Variants in RAB11FIP4 observed in about 807,000 individuals in gnomAD.
RAB11FIP4 encodes the protein RAB11 family interacting protein 4, also known as rab11 family-interacting protein 4.
RAB11FIP4 carries 23 observed loss-of-function variants against 74.3 expected under a neutral mutation model. That is an observed-to-expected ratio of 0.31 (90% CI 0.22 to 0.44). RAB11FIP4 has a LOEUF of 0.44. Ranked by LOEUF, RAB11FIP4 falls within the 20% of genes least tolerant of loss-of-function variation. RAB11FIP4 has a pLI of 1.00. For synonymous variants in RAB11FIP4, 360 were observed against 359.9 expected (o/e 1.00, Z 0.00); for missense variants, 630 against 863.9 (o/e 0.73, Z 3.39).
chr17:31,482,991 G>A (rs1277663714), intron 3 of RAB11FIP4, among the ~76,000 whole-genome samples: 2 of 151,886 alleles, frequency 1.3e-5, no homozygotes, highest in East Asian at 3.9e-4. Flanking sequence ...TCAGGAGTTC[G>A]AGGCTATCCT....
At chr17:31,485,243 A>C (rs2071890041) in intron 3 of RAB11FIP4, among the ~76,000 whole-genome samples, 1 of 152,238 alleles carries the variant, frequency 6.6e-6, no homozygotes, top group Non-Finnish European at 1.5e-5. Flanking sequence ...TGTTCAATGC[A>C]TCTGTGGCCT....
chr17:31,413,406 C>T (rs2071117383), intron 1 of RAB11FIP4, among the ~76,000 whole-genome samples: 2 of 152,122 alleles, frequency 1.3e-5, no homozygotes, highest in African/African-American at 4.8e-5. Context: ...ACACGGAGGG[C>T]ACGGAGGGAG....
chr17:31,445,688 C>T (rs766688816), intron 3 of RAB11FIP4, among the ~76,000 whole-genome samples: 45 of 147,756 alleles, frequency 3.0e-4, no homozygotes, highest in Non-Finnish European at 6.4e-4. Flanking sequence ...TGGGTTCAAA[C>T]GATTCTCCTG....
At chr17:31,509,767 C>A (rs906070714) in intron 3 of RAB11FIP4, among the ~76,000 whole-genome samples, 1 of 152,144 alleles carries the variant, frequency 6.6e-6, no homozygotes, top group Non-Finnish European at 1.5e-5. Context: ...CGTGACCTGG[C>A]GACCTGGTGC....
chr17:31,507,011 G>A (rs916641725), intron 3 of RAB11FIP4, among the ~76,000 whole-genome samples: 6 of 152,190 alleles, frequency 3.9e-5, no homozygotes, highest in African/African-American at 1.4e-4. Flanking sequence ...CGGGCACAGT[G>A]GCTCACAGCT....
At chr17:31,393,337 G>A (rs184092298) in intron 1 of RAB11FIP4, among the ~76,000 whole-genome samples, 7 of 152,326 alleles carry the variant, frequency 4.6e-5, no homozygotes, top group Admixed American at 3.9e-4. Flanking sequence ...TCCCATCTGG[G>A]GCAGGCTGAG....
In RAB11FIP4 at chr17:31,521,229, C is replaced by T. The variant is rs1194506136; in HGVS notation, c.627C>T (p.Leu209=). 2 of 1,613,826 alleles carry T rather than the reference C, an allele frequency of 1.2e-6. No individual in the cohort carries two copies. The highest frequency in any genetic ancestry group is 1.7e-6 in the Non-Finnish European group (2 of 1,179,894). The change falls in exon 5 of 15, where the codon CTC becomes CTT. Residue 209 remains leucine, a synonymous_variant. Transcript: ENST00000621161. ...SDLSTHSTTS[L]ISNEEQFEDY... The stretch of plus-strand genomic sequence containing the variant: ...TTTCTACACACTCCACCACCTCGCT[C>T]ATCAGCAATGAGGAGCAGTTTGAAG...
intron 1 of RAB11FIP4, among the ~76,000 whole-genome samples, chr17:31,419,273 T>C (rs1173421972): frequency 2.0e-5 from 3 of 149,596 alleles, no homozygotes; most frequent in East Asian, 2.0e-4. Context: ...TTCTACTTTG[T>C]TGAGAGTTTT....
chr17:31,419,983 T>C (rs1376002054), intron 1 of RAB11FIP4, among the ~76,000 whole-genome samples: 2 of 152,336 alleles, frequency 1.3e-5, no homozygotes, highest in East Asian at 3.9e-4. Flanking sequence ...ATATTTTCCT[T>C]AAATACTTAG....
At chr17:31,506,699 A>C (rs2072356616) in intron 3 of RAB11FIP4, among the ~76,000 whole-genome samples, 1 of 152,184 alleles carries the variant, frequency 6.6e-6, no homozygotes, top group Non-Finnish European at 1.5e-5. Flanking sequence ...CATCCATGTC[A>C]CAAATGACAG....
At chr17:31,499,776 C>A (rs572532528) in intron 3 of RAB11FIP4, among the ~76,000 whole-genome samples, 284 of 152,294 alleles carry the variant, frequency 1.9e-3, no homozygotes, top group African/African-American at 6.4e-3. Context: ...TGTTCTCTTT[C>A]TCTGAGTTGT....
At chr17:31,525,377 T>G in intron 10 of RAB11FIP4, 147 bp downstream of exon 10, 1 of 738,606 alleles carries the variant, frequency 1.4e-6, no homozygotes. Flanking sequence ...CAGTTCCACT[T>G]TAATACCACG....
At chr17:31,489,934 A>T (rs2071975699) in intron 3 of RAB11FIP4, among the ~76,000 whole-genome samples, 1 of 152,190 alleles carries the variant, frequency 6.6e-6, no homozygotes, top group Admixed American at 6.5e-5. Context: ...TAGCCAGGCC[A>T]GGTGAGCCAG....
intron 3 of RAB11FIP4, among the ~76,000 whole-genome samples, chr17:31,486,972 G>T (rs1342374970): frequency 6.6e-6 from 1 of 152,210 alleles, no homozygotes; most frequent in Non-Finnish European, 1.5e-5. Context: ...GTGTGCATGT[G>T]TGTGTGTGCA....
rs960814100 is a variant in RAB11FIP4 at position 31,434,551 on chromosome 17, A to G, written c.336+429A>G. 2.6e-5 allele frequency among the ~76,000 whole-genome samples: 4 copies of G among 152,260 alleles called. No homozygotes were observed. In the South Asian group the frequency reaches 8.3e-4, roughly 32 times the overall value. On this transcript the variant is annotated intron_variant, in intron 3 of 14. Transcript: ENST00000621161. ...CAGCAATCAGTTCCACCTGCCACTA[A>G]CTACCCAGCATTAGCACAGACTCCA...
At chr17:31,495,482 C>T (rs368590943) in intron 3 of RAB11FIP4, among the ~76,000 whole-genome samples, 1 of 151,156 alleles carries the variant, frequency 6.6e-6, no homozygotes, top group Non-Finnish European at 1.5e-5. Flanking sequence ...TCAAGTGATC[C>T]TCCCACCTCA....
chr17:31,405,872 C>T (rs1015131035), intron 1 of RAB11FIP4, among the ~76,000 whole-genome samples: 1 of 152,078 alleles, frequency 6.6e-6, no homozygotes, highest in African/African-American at 2.4e-5. Context: ...TTTTTCACCT[C>T]GAGGTGTTTA....
intron 1 of RAB11FIP4, among the ~76,000 whole-genome samples, chr17:31,425,036 C>T (rs1430147623): frequency 6.6e-6 from 1 of 152,180 alleles, no homozygotes; most frequent in Non-Finnish European, 1.5e-5. Flanking sequence ...ATTATTTTAG[C>T]AGAAATAATA....
At chr17:31,435,011 C>A (rs562305317) in intron 3 of RAB11FIP4, among the ~76,000 whole-genome samples, 49 of 120,658 alleles carry the variant, frequency 4.1e-4, no homozygotes, top group African/African-American at 1.4e-3. Context: ...GATGATGAGA[C>A]CCCGTCTCTA....
Sources: allele counts gnomAD v4.1 joint callset (sites outside exome capture counted in the v4.1 genomes callset), GRCh38; gene constraint gnomAD v4.1.1; transcripts MANE v1.5; gene names NCBI Gene and HGNC (gene_info 2026-07-23, HGNC 2026-07-21).